The following USF1 variants were observed in gnomAD, a reference collection of about 807,000 sequenced individuals.
The protein encoded by USF1 is upstream transcription factor 1.
USF1 carries 22 observed loss-of-function variants against 46.3 expected under a neutral mutation model. The observed-to-expected ratio is 0.47, with a 90% confidence interval of 0.34 to 0.68. The LOEUF (loss-of-function observed/expected upper bound fraction) is 0.68. Among genes scored for constraint, USF1 ranks in the 30% least tolerant of loss-of-function variants. USF1 has a pLI of 0.01. For synonymous variants in USF1, 150 were observed against 147.0 expected, an observed-to-expected ratio of 1.02 and a Z score of -0.15; for missense variants, 287 against 399.3, an observed-to-expected ratio of 0.72 and a Z score of 2.40.
Position 161,040,925 on chromosome 1 carries a change from A to C in USF1, c.561-53T>G. The C allele has an allele frequency of 6.2e-7, 1 of 1,610,834 alleles. No individual in the cohort carries two copies. The highest frequency in any genetic ancestry group is 8.5e-7 in the Non-Finnish European group (1 of 1,177,820). ...GTAAGAAGACAAAATACATGATTGA[A>C]GTTTGGGGTTAAGGAATTATACAAG... On this transcript the variant is annotated intron_variant, in intron 7 of 10. Coordinates refer to ENST00000368021, the MANE Select transcript of USF1 (RefSeq NM_007122.5). The surrounding 1 kb of genome is among the most constrained non-coding windows in gnomAD (Gnocchi z 4.0).
At position 161,042,869 on chromosome 1, in the gene USF1, C is replaced by T. The variant is rs191940210; in HGVS notation, c.22G>A (p.Ala8Thr). ...TGCACTGTCCCCTCTTCCGTTTCAGCTGTTTTCTGCTGCCTGTTTGTGGTG... is the reference window on the plus strand; with the variant it reads ...TGCACTGTCCCCTCTTCCGTTTCAGTTGTTTTCTGCTGCCTGTTTGTGGTG... The part of the protein sequence containing the change: MKGQQKT[A>T]ETEEGTVQIQ... Residue 8 changes from alanine to threonine, a missense_variant, in exon 3 of 11, where the codon GCT (alanine) becomes ACT (threonine). By Grantham distance (58) the Ala-to-Thr change is moderately conservative. Coordinates refer to ENST00000368021, the MANE Select transcript of USF1 (RefSeq NM_007122.5). 4 of 1,614,048 alleles carry T rather than the reference C, an allele frequency of 2.5e-6. No individual in the cohort carries two copies. Among genetic ancestry groups the T allele is most frequent in the Non-Finnish European group, 3.4e-6 (4 of 1,180,028 alleles).
chr1:161,040,743 CCCT>C lies in USF1; in HGVS notation c.619+68_619+70del. 1 of 1,613,194 alleles carries C rather than the reference CCCT, an allele frequency of 6.2e-7. No individual in the cohort carries two copies. The highest frequency in any genetic ancestry group is 8.5e-7 in the Non-Finnish European group (1 of 1,179,692). ...AAGTCCCAGGGTAAAATTACCTAAT[CCCT>C]CCTCCCCTCAGACATCACTGCTGAG... On this transcript the variant is annotated intron_variant, in intron 8 of 10. Transcript: ENST00000368021. The surrounding 1 kb of genome is among the most constrained non-coding windows in gnomAD (Gnocchi z 4.0).
At position 161,042,265 on chromosome 1, in the gene USF1, T is replaced by C. The variant is rs372233982; in HGVS notation, c.175-48A>G. The C allele has an allele frequency of 1.9e-6, 3 of 1,563,954 alleles. No homozygotes were observed. In the East Asian group the frequency reaches 6.8e-5, roughly 35 times the overall value. ...AGGGAGTGAAGAGAGAAGAAAAGAT[T>C]AAGTGTTGGGAATCCTAGGGCCCCT... On this transcript the variant is annotated intron_variant, in intron 4 of 10. Transcript: ENST00000368021.
intron 1 of USF1, among the ~76,000 whole-genome samples, chr1:161,043,961 T>TC (rs1553214133): frequency 2.0e-5 from 3 of 147,738 alleles, no homozygotes; most frequent in Non-Finnish European, 4.5e-5. Flanking sequence ...TTTTTTTTTT[T>TC]CTGAGACAGA....
chr1:161,044,098 A>G (rs1156544730), intron 1 of USF1, among the ~76,000 whole-genome samples: 1 of 151,832 alleles, frequency 6.6e-6, no homozygotes, highest in African/African-American at 2.4e-5. Flanking sequence ...GCCCACCACC[A>G]CGCCCAGCTA....
chr1:161,041,243 C>CAGAGCA (rs2102012375), intron 7 of USF1, 81 bp downstream of exon 7: 1 of 1,177,026 alleles, frequency 8.5e-7, no homozygotes, highest in South Asian at 1.4e-5. Flanking sequence ...GCCTGGGTGA[C>CAGAGCA]AGAGCAAGAC....
At position 161,041,387 on chromosome 1, in the gene USF1, G is replaced by T; in HGVS notation, c.497C>A (p.Pro166Gln). 1 of 1,613,798 alleles carries T rather than the reference G, an allele frequency of 6.2e-7. No individual in the cohort carries two copies. The highest frequency in any genetic ancestry group is 8.5e-7 in the Non-Finnish European group (1 of 1,179,956). The change falls in exon 7 of 11, where the codon CCA (proline) becomes CAA (glutamine). Residue 166 changes from proline to glutamine, a missense_variant. Pro to Gln is a moderately conservative substitution (Grantham distance 76). Transcript: ENST00000368021. Reference sequence around the variant, plus strand: ...GCTTCCTCCCTGCAGTACTTCTTGTGGTGACATCATCACAAAGAATTGACC... The same window carrying T: ...GCTTCCTCCCTGCAGTACTTCTTGTTGTGACATCATCACAAAGAATTGACC... ...GTGQFFVMMS[P>Q]QEVLQGGSQR...
In USF1 at chr1:161,042,538, C is replaced by T. The variant is rs756358871; in HGVS notation, c.174+17G>A. On this transcript the variant is annotated intron_variant, in intron 4 of 10. Transcript: ENST00000368021. ...AACCCCAGATAACACCTGCAGCCAC[C>T]TGGCCCCCTCCCTTACCTGGCCCCC... 2.5e-6 allele frequency: 4 copies of T among 1,613,566 alleles called. No individual in the cohort carries two copies. The Admixed American group carries it at 6.7e-5, about 27-fold the overall frequency.
chr1:161,042,719 C>T (rs568694042), intron 3 of USF1, 49 bp from the exon 4 acceptor site: 1 of 1,611,938 alleles, frequency 6.2e-7, no homozygotes, highest in Non-Finnish European at 8.5e-7. Context: ...TGCCTTTCTA[C>T]CCCCGTTCCA....
At chr1:161,042,958 G>A (rs765010721) in intron 2 of USF1, 76 bp from the exon 3 acceptor site, 1 of 1,592,968 alleles carries the variant, frequency 6.3e-7, no homozygotes, top group Non-Finnish European at 8.6e-7. Flanking sequence ...GTAACATATG[G>A]CTGCAAACTC....
chr1:161,042,813 G>T lies in USF1; in HGVS notation c.58+20C>A, dbSNP rs201560533. 6.2e-6 allele frequency: 10 copies of T among 1,614,064 alleles called. No homozygotes were observed. The highest frequency in any genetic ancestry group is 1.3e-5 in the African/African-American group (1 of 74,932). Reference sequence around the variant, plus strand: ...AGGCCATGATGGGTTCTTAGTCTTGGTTCTGTTTCTAGCACTCACCTTCCT... The same window carrying T: ...AGGCCATGATGGGTTCTTAGTCTTGTTTCTGTTTCTAGCACTCACCTTCCT... On this transcript the variant is annotated intron_variant, in intron 3 of 10. Coordinates refer to ENST00000368021, the MANE Select transcript of USF1 (RefSeq NM_007122.5).
intron 1 of USF1, among the ~76,000 whole-genome samples, chr1:161,044,612 C>T (rs150685888): frequency 1.3e-3 from 195 of 152,160 alleles, no homozygotes; most frequent in African/African-American, 4.6e-3. Context: ...ATTCATCAAG[C>T]CTTCCTGCAG....
Position 161,043,365 on chromosome 1 carries a change from T to G in USF1, c.-85-5A>C. 6.2e-7 allele frequency: 1 copy of G among 1,600,230 alleles called. No individual in the cohort carries two copies. The stretch of plus-strand genomic sequence containing the variant: ...CACAGGCCTGAGTGCTAAGTCCTGG[T>G]AGAAATCATGAAGTTTGCAATGAGT... On this transcript the variant is annotated splice_region_variant and splice_polypyrimidine_tract_variant and intron_variant, in intron 1 of 10. Coordinates refer to ENST00000368021, the MANE Select transcript of USF1 (RefSeq NM_007122.5).
rs17175463 is a variant in USF1 at position 161,044,350 on chromosome 1, G to C, written c.-85-990C>G. Among the ~76,000 whole-genome samples the C allele has an allele frequency of 2.4e-3, 361 of 152,308 alleles. 1 individual carries two copies. The highest frequency in any genetic ancestry group is 8.1e-3 in the African/African-American group (336 of 41,556). On this transcript the variant is annotated intron_variant, in intron 1 of 10. Coordinates refer to ENST00000368021, the MANE Select transcript of USF1 (RefSeq NM_007122.5). ...ATTGGCCCCACCATCAAAAAATACA[G>C]TGTCATGGACACTGATGCTTCTTCC...
chr1:161,042,313 G>T, intron 4 of USF1, 96 bp from the exon 5 acceptor site: 1 of 1,301,182 alleles, frequency 7.7e-7, no homozygotes, highest in Non-Finnish European at 1.1e-6. Context: ...CTTGGATAGG[G>T]CCCCAAAACA....
At chr1:161,042,998 G>T in intron 2 of USF1, 116 bp from the exon 3 acceptor site, 1 of 1,446,106 alleles carries the variant, frequency 6.9e-7, no homozygotes, top group Non-Finnish European at 9.7e-7. Flanking sequence ...GCTGGGTTAG[G>T]TTAGAATAAC....
chr1:161,041,725 G>A lies in USF1; in HGVS notation c.398C>T (p.Ser133Leu), dbSNP rs766469110. The A allele has an allele frequency of 1.2e-5, 19 of 1,614,044 alleles. No homozygotes were observed. Among genetic ancestry groups the A allele is most frequent in the South Asian group, 2.2e-5 (2 of 91,084 alleles). ...AVGDGAGGTT[S>L]GSTAAVVTTQ... is the part of the protein sequence containing the mutation. ...AGTAACAACAGCAGCTGTACTCCCC[G>A]ATGTGGTACCCCCTGCCCCATCTCC... is the stretch of plus-strand genomic sequence containing the variant. The change falls in exon 6 of 11, where the codon TCG (serine) becomes TTG (leucine). Residue 133 changes from serine to leucine, a missense_variant. Transcript: ENST00000368021.
Position 161,041,239 on chromosome 1 carries a change from G to A in USF1, c.560+85C>T, listed in dbSNP as rs1018059874. 31 of 1,216,144 alleles carry A rather than the reference G, an allele frequency of 2.5e-5. No homozygotes were observed. The Admixed American group carries it at 3.5e-4, about 14-fold the overall frequency. 75.3% of individuals were successfully genotyped at this position (1,216,144 alleles called of 1,614,324 possible). On this transcript the variant is annotated intron_variant, in intron 7 of 10. Coordinates refer to ENST00000368021, the MANE Select transcript of USF1 (RefSeq NM_007122.5). Reference sequence around the variant, plus strand: ...ATCATGCCACTGCACTCCAGCCTGGGTGACAGAGCAAGACTCTGTCTCAAA... The same window carrying A: ...ATCATGCCACTGCACTCCAGCCTGGATGACAGAGCAAGACTCTGTCTCAAA...
chr1:161,039,777 G>A lies in USF1; in HGVS notation c.*143C>T, dbSNP rs1650443210. The A allele has an allele frequency of 1.3e-6, 1 of 798,812 alleles. No individual in the cohort carries two copies. Among genetic ancestry groups the A allele is most frequent in the East Asian group, 2.7e-5 (1 of 37,560 alleles). 49.5% of individuals were successfully genotyped at this position (798,812 alleles called of 1,614,324 possible). On this transcript the variant is annotated 3_prime_UTR_variant, in exon 11 of 11. Transcript: ENST00000368021. ...CACCACTGCAGGCCGCCATATCACA[G>A]GGCCTCAGTTCAAGGACACACCTTC... is the stretch of plus-strand genomic sequence containing the variant.
Sources: gnomAD v4.1 joint callset for allele counts (sites outside exome capture counted in the v4.1 genomes callset) on GRCh38, gnomAD v4.1.1 for gene constraint, Gnocchi (gnomAD v3.1) non-coding constraint, MANE v1.5 for transcripts, NCBI Gene and HGNC (gene_info 2026-07-23, HGNC 2026-07-21) for gene names.